Variants in JOSD2 observed in about 807,000 individuals in gnomAD.
JOSD2 encodes josephin-2.
A neutral mutation model predicts 19.3 loss-of-function variants in JOSD2; 20 were observed. The ratio of observed to expected loss-of-function variants is 1.04; its 90% CI spans 0.73 to 1.51. The LOEUF (loss-of-function observed/expected upper bound fraction) is 1.51, where lower values mean the gene tolerates loss of function less well. JOSD2 is among the 40% of genes most tolerant of loss of function. The pLI, the probability that JOSD2 is intolerant of heterozygous loss-of-function variation, is 0.00. For synonymous variants in JOSD2, 118 were observed against 123.7 expected (o/e 0.95, Z 0.31); for missense variants, 215 against 250.4 (o/e 0.86, Z 0.95).
At position 50,507,585 on chromosome 19, in the gene JOSD2, C is replaced by G; in HGVS notation, c.261G>C (p.Trp87Cys). The G allele has an allele frequency of 1.9e-6, 3 of 1,605,906 alleles. No homozygotes were observed. Among genetic ancestry groups the G allele is most frequent in the Non-Finnish European group, 2.5e-6 (3 of 1,179,654 alleles). ...GCTCTGGGGCCTACCTCCTCCTGTCCCACCACACGGCGGCCAGGCCCAGCC... is the reference window on the plus strand; with the variant it reads ...GCTCTGGGGCCTACCTCCTCCTGTCGCACCACACGGCGGCCAGGCCCAGCC... Reference protein sequence around the residue: ...LQGLGLAAVWWDRRRPLSQLA... With the variant: ...LQGLGLAAVWCDRRRPLSQLA... Residue 87 changes from tryptophan (W) to cysteine (C), a missense_variant, in exon 3 of 5, where the codon TGG becomes TGC. Trp to Cys is a radical substitution (Grantham distance 215, BLOSUM62 -2). Coordinates refer to ENST00000598418, the MANE Select transcript of JOSD2 (RefSeq NM_001270639.2).
At position 50,510,297 on chromosome 19, in the gene JOSD2, C is replaced by G. The variant is rs756222333; in HGVS notation, c.135G>C (p.Glu45Asp). The change falls in exon 2 of 5, where the codon GAG (glutamate) becomes GAC (aspartate). Residue 45 changes from glutamate (E) to aspartate (D), a missense_variant. Transcript: ENST00000598418. ...QQLFSQEAAD[E>D]ICKRLAPDSR... ...TGGGTGACGGTCACCTCTTGCAGAT[C>G]TCATCGGCAGCCTCCTGGCTAAAGA... The G allele has an allele frequency of 6.2e-7, 1 of 1,613,440 alleles. No individual in the cohort carries two copies. The highest frequency in any genetic ancestry group is 2.2e-5 in the East Asian group (1 of 44,880).
chr19:50,507,667 C>T lies in JOSD2; in HGVS notation c.179G>A (p.Arg60His), dbSNP rs376769993. ...ATAGTTGCCGGTGCCCAGGAGGCTG[C>T]GATGAGGGTTCAGCCGGGAGTCTGG... ...LAPDSRLNPH[R>H]SLLGTGNYDV... Residue 60 changes from arginine to histidine, a missense_variant, in exon 3 of 5, where the codon CGC (arginine) becomes CAC (histidine). Coordinates refer to ENST00000598418, the MANE Select transcript of JOSD2 (RefSeq NM_001270639.2). The T allele has an allele frequency of 5.4e-5, 87 of 1,611,926 alleles. No homozygotes were observed. Among genetic ancestry groups the T allele is most frequent in the Non-Finnish European group, 6.2e-5 (73 of 1,179,908 alleles).
intron 2 of JOSD2, 65 bp from the exon 3 acceptor site, chr19:50,507,764 G>A: frequency 6.4e-7 from 1 of 1,556,002 alleles, no homozygotes; most frequent in Non-Finnish European, 8.7e-7. Context: ...CAAAATGGGG[G>A]TCCCAGGGGC....
intron 1 of JOSD2, 121 bp from the exon 2 acceptor site, chr19:50,510,569 C>CT (rs1446892457): frequency 7.8e-6 from 7 of 895,174 alleles, no homozygotes; most frequent in African/African-American, 1.7e-5. Flanking sequence ...CAGGAAGACA[C>CT]TGGGCCCCTG....
Position 50,506,544 on chromosome 19 carries a change from C to T in JOSD2, c.301G>A (p.Val101Ile), listed in dbSNP as rs1186433528. 2 of 1,546,918 alleles carry T rather than the reference C, an allele frequency of 1.3e-6. No individual in the cohort carries two copies. The highest frequency in any genetic ancestry group is 3.9e-5 in the Admixed American group (2 of 50,680). Reference protein sequence around the residue: ...RPLSQLALPQVLGLILNLPSP... With the variant: ...RPLSQLALPQILGLILNLPSP... Reference sequence around the variant, plus strand: ...GGCAGGTTCAGGATCAGCCCCAGTACCTGGGGCAGGGCCAGCTGGGACAGG... The same window carrying T: ...GGCAGGTTCAGGATCAGCCCCAGTATCTGGGGCAGGGCCAGCTGGGACAGG... The change falls in exon 4 of 5, where the codon GTA becomes ATA. Residue 101 changes from valine (V) to isoleucine (I), a missense_variant. Val to Ile is a conservative substitution (Grantham distance 29). Coordinates refer to ENST00000598418, the MANE Select transcript of JOSD2 (RefSeq NM_001270639.2).
Position 50,506,161 on chromosome 19 carries a change from G to T in JOSD2, c.*12C>A. 6.2e-7 allele frequency: 1 copy of T among 1,611,120 alleles called. No homozygotes were observed. The highest frequency in any genetic ancestry group is 1.1e-5 in the South Asian group (1 of 91,002). On this transcript the variant is annotated 3_prime_UTR_variant, in exon 5 of 5. Coordinates refer to ENST00000598418, the MANE Select transcript of JOSD2 (RefSeq NM_001270639.2). ...CAGGGACTGCGCTGTGGGCGCCGAT[G>T]GTCAGCCATGGTCAGTCTGTCCGCA...
At position 50,510,491 on chromosome 19, in the gene JOSD2, C is replaced by T. The variant is rs183724776; in HGVS notation, c.-17-43G>A. On this transcript the variant is annotated intron_variant, in intron 1 of 4. Transcript: ENST00000598418. Reference sequence around the variant, plus strand: ...GAGAAGGTCCTCAGGGGCCCGGGATCTAGAGGTCCAGCCTCCCAGCAGGCC... The same window carrying T: ...GAGAAGGTCCTCAGGGGCCCGGGATTTAGAGGTCCAGCCTCCCAGCAGGCC... 164 of 1,531,492 alleles carry T rather than the reference C, an allele frequency of 1.1e-4. No homozygotes were observed. In the East Asian group the frequency reaches 3.6e-3, roughly 34 times the overall value. 94.9% of individuals were successfully genotyped at this position (1,531,492 alleles called of 1,614,324 possible).
In JOSD2 at chr19:50,510,326, G is replaced by C. The variant is rs779247091; in HGVS notation, c.106C>G (p.Gln36Glu). ...VHALNNVLQQQLFSQEAADEI... is the reference protein window; with the variant it reads ...VHALNNVLQQELFSQEAADEI... ...TCGGCAGCCTCCTGGCTAAAGAGCT[G>C]CTGCTGCAGAACGTTGTTGAGGGCG... Residue 36 changes from glutamine to glutamate, a missense_variant, in exon 2 of 5, where the codon CAG becomes GAG. Gln to Glu is a conservative substitution (Grantham distance 29, BLOSUM62 2). Transcript: ENST00000598418. 6.2e-7 allele frequency: 1 copy of C among 1,613,536 alleles called. No homozygotes were observed. Among genetic ancestry groups the C allele is most frequent in the Non-Finnish European group, 8.5e-7 (1 of 1,180,004 alleles).
chr19:50,507,541 G>C, intron 3 of JOSD2, 33 bp downstream of exon 3: 4 of 1,585,830 alleles, frequency 2.5e-6, no homozygotes, highest in Admixed American at 1.7e-5. Context: ...TCTGTGCCCG[G>C]CCCAGCACAT....
chr19:50,509,235 G>T (rs1367755773), intron 2 of JOSD2, among the ~76,000 whole-genome samples: 1 of 150,016 alleles, frequency 6.7e-6, no homozygotes, highest in South Asian at 2.1e-4. Context: ...GTGCCACCAC[G>T]CCCAGCTAAT....
At chr19:50,507,504 C>G (rs1434716769) in intron 3 of JOSD2, 70 bp downstream of exon 3, 1 of 1,514,424 alleles carries the variant, frequency 6.6e-7, no homozygotes, top group Admixed American at 2.1e-5. Context: ...TCCCTGCCCC[C>G]CAACAGGCTC....
rs1979463606 is a variant in JOSD2, at chr19:50,507,661, A to G, written c.185T>C (p.Leu62Pro). The G allele has an allele frequency of 1.2e-6, 2 of 1,612,102 alleles. No homozygotes were observed. Among genetic ancestry groups the G allele is most frequent in the Non-Finnish European group, 1.7e-6 (2 of 1,179,914 alleles). Residue 62 changes from leucine to proline, a missense_variant, in exon 3 of 5, where the codon CTC (leucine) becomes CCC (proline). Physicochemically the swap from Leu to Pro is moderately conservative, Grantham distance 98. Transcript: ENST00000598418. ...GACATCATAGTTGCCGGTGCCCAGG[A>G]GGCTGCGATGAGGGTTCAGCCGGGA... The part of the protein sequence containing the change: ...PDSRLNPHRS[L>P]LGTGNYDVNV...
At position 50,507,588 on chromosome 19, in the gene JOSD2, C is replaced by G. The variant is rs1979455850; in HGVS notation, c.258G>C (p.Trp86Cys). The G allele has an allele frequency of 6.2e-7, 1 of 1,606,352 alleles. No individual in the cohort carries two copies. Among genetic ancestry groups the G allele is most frequent in the Admixed American group, 1.7e-5 (1 of 59,944 alleles). ...CTGGGGCCTACCTCCTCCTGTCCCA[C>G]CACACGGCGGCCAGGCCCAGCCCCT... ...ALQGLGLAAV[W>C]WDRRRPLSQL... is the part of the protein sequence containing the mutation. Residue 86 changes from tryptophan (W) to cysteine (C), a missense_variant, in exon 3 of 5, where the codon TGG (tryptophan) becomes TGC (cysteine). Coordinates refer to ENST00000598418, the MANE Select transcript of JOSD2 (RefSeq NM_001270639.2).
chr19:50,507,816 C>A, intron 2 of JOSD2, 117 bp from the exon 3 acceptor site: 2 of 1,279,586 alleles, frequency 1.6e-6, no homozygotes, highest in South Asian at 1.4e-5. Flanking sequence ...CTTCAGACCC[C>A]ACAACTCATC....
At position 50,506,440 on chromosome 19, in the gene JOSD2, G is replaced by A. The variant is rs1227902977; in HGVS notation, c.405C>T (p.Val135=). The A allele has an allele frequency of 3.1e-6, 5 of 1,601,336 alleles. No individual in the cohort carries two copies. The highest frequency in any genetic ancestry group is 3.4e-5 in the Admixed American group (2 of 58,308). ...HWVALRQVDG[V]YYNLDSKLRA... ...GCAGCTTGGAGTCCAGGTTGTAGTA[G>A]ACACCGTCCACCTGGCGCAGGGCCA... Residue 135 remains valine (V), a synonymous_variant, in exon 4 of 5, where the codon GTC becomes GTT. Transcript: ENST00000598418.
At chr19:50,507,801 C>A in intron 2 of JOSD2, 102 bp from the exon 3 acceptor site, 1 of 1,428,900 alleles carries the variant, frequency 7.0e-7, no homozygotes, top group Non-Finnish European at 9.4e-7. Flanking sequence ...CTTTGACTCT[C>A]CCCGCTTCAG....
In JOSD2 at chr19:50,510,280, G is replaced by C. The variant is rs1250937153; in HGVS notation, c.146+6C>G. Reference sequence around the variant, plus strand: ...TGCTCCAGGGGCTGGGGTGGGTGACGGTCACCTCTTGCAGATCTCATCGGC... The same window carrying C: ...TGCTCCAGGGGCTGGGGTGGGTGACCGTCACCTCTTGCAGATCTCATCGGC... On this transcript the variant is annotated splice_donor_region_variant and intron_variant, in intron 2 of 4. Transcript: ENST00000598418. 1.9e-6 allele frequency: 3 copies of C among 1,613,224 alleles called. No homozygotes were observed. Among genetic ancestry groups the C allele is most frequent in the Non-Finnish European group, 2.5e-6 (3 of 1,179,974 alleles).
chr19:50,510,063 A>AAAAAAAAAAAAAG (rs1182149961), intron 2 of JOSD2: 1 of 460,238 alleles, frequency 2.2e-6, no homozygotes, highest in African/African-American at 2.1e-5. Flanking sequence ...AAAAAAAAAA[A>AAAAAAAAAAAAAG]AAAAGAAAGA....
chr19:50,506,073 C>T lies in JOSD2; in HGVS notation c.*100G>A. ...GGTGTGGGGAGGGGGCGGGGCCTCC[C>T]CAGGGTCCATGAAGTGCTGGCCTTT... On this transcript the variant is annotated 3_prime_UTR_variant, in exon 5 of 5. Transcript: ENST00000598418. The T allele has an allele frequency of 8.5e-7, 1 of 1,171,866 alleles. No homozygotes were observed. The highest frequency in any genetic ancestry group is 2.4e-5 in the East Asian group (1 of 41,766). The allele number at this position is 1,171,866 out of a possible 1,614,324, so 72.6% of individuals were successfully genotyped here.
Sources: allele counts gnomAD v4.1 joint callset (sites outside exome capture counted in the v4.1 genomes callset), GRCh38; gene constraint gnomAD v4.1.1; transcripts MANE v1.5; gene names NCBI Gene and HGNC (gene_info 2026-07-23, HGNC 2026-07-21).